Variants in ASIC2 observed in about 807,000 individuals in gnomAD.
ASIC2 encodes acid sensing ion channel subunit 2, also known as acid-sensing ion channel 2.
ASIC2 carries 25 observed loss-of-function variants against 57.3 expected under a neutral mutation model. The observed-to-expected ratio is 0.44, with a 90% CI of 0.32 to 0.61. The LOEUF is 0.61. Among genes scored for constraint, ASIC2 ranks in the 20% least tolerant of loss-of-function variants. The pLI is 0.06. For synonymous variants in ASIC2, 319 were observed against 307.5 expected, an observed-to-expected ratio of 1.04 and a Z score of -0.39; for missense variants, 641 against 738.1, an observed-to-expected ratio of 0.87 and a Z score of 1.52.
intron 1 of ASIC2, among the ~76,000 whole-genome samples, chr17:33,267,750 G>A (rs745752915): frequency 3.9e-5 from 6 of 152,156 alleles, no homozygotes; most frequent in African/African-American, 7.2e-5. Flanking sequence ...ATGGTGCTCC[G>A]GGGAGGGACA....
At chr17:33,321,495 C>T (rs746602602) in intron 1 of ASIC2, among the ~76,000 whole-genome samples, 14 of 152,086 alleles carry the variant, frequency 9.2e-5, no homozygotes, top group Non-Finnish European at 2.1e-4. Context: ...TGCTTCTGTG[C>T]CACAGTTTAA....
At chr17:33,902,075 A>T (rs919941128) in intron 1 of ASIC2, among the ~76,000 whole-genome samples, 1 of 152,080 alleles carries the variant, frequency 6.6e-6, no homozygotes, top group Non-Finnish European at 1.5e-5. Context: ...CTCTCTATCA[A>T]TGCGCTTGTA....
At chr17:34,090,244 C>A (rs979759646) in intron 1 of ASIC2, among the ~76,000 whole-genome samples, 10 of 152,192 alleles carry the variant, frequency 6.6e-5, no homozygotes, top group African/African-American at 2.4e-4. Flanking sequence ...GAAAATAAAT[C>A]CCAGGGACAG....
chr17:33,256,702 C>T (rs1044785886), intron 1 of ASIC2, among the ~76,000 whole-genome samples: 3 of 152,100 alleles, frequency 2.0e-5, no homozygotes, highest in East Asian at 1.9e-4. Context: ...CGTGGTGGCA[C>T]GTGCCTGTAA....
At chr17:33,973,901 C>T (rs1905292911) in intron 1 of ASIC2, among the ~76,000 whole-genome samples, 1 of 152,146 alleles carries the variant, frequency 6.6e-6, no homozygotes, top group African/African-American at 2.4e-5. Context: ...GTCCCACTCC[C>T]CTTACCCCAG....
Position 33,163,891 on chromosome 17 carries a change from G to A in ASIC2, c.709-51824C>T, listed in dbSNP as rs991986767. Among the ~76,000 whole-genome samples the A allele has an allele frequency of 8.5e-5, 13 of 152,304 alleles. No individual in the cohort carries two copies. The South Asian group carries it at 1.0e-3, about 12-fold the overall frequency. The stretch of plus-strand genomic sequence containing the variant: ...CCGGCATTTGAGTAAAGATCTAAAG[G>A]GGGTGAAGGAGCATCTGTTCAAACA... On this transcript the variant is annotated intron_variant, in intron 1 of 9. Transcript: ENST00000225823.
At chr17:33,353,982 G>C (rs1212747532) in intron 1 of ASIC2, among the ~76,000 whole-genome samples, 1 of 152,138 alleles carries the variant, frequency 6.6e-6, no homozygotes, top group African/African-American at 2.4e-5. Flanking sequence ...CCACATGGCT[G>C]GGGAGGCCTC....
intron 1 of ASIC2, among the ~76,000 whole-genome samples, chr17:33,455,176 A>G (rs1912405606): frequency 6.6e-6 from 1 of 152,002 alleles, no homozygotes; most frequent in Non-Finnish European, 1.5e-5. Flanking sequence ...TGTGTAATTT[A>G]TTATTATTTT....
At chr17:33,027,213 C>G (rs1006425314) in intron 4 of ASIC2, among the ~76,000 whole-genome samples, 25 of 152,132 alleles carry the variant, frequency 1.6e-4, no homozygotes, top group African/African-American at 5.8e-4. Flanking sequence ...ATCTCCCTGA[C>G]CCTTCTTTCA....
chr17:33,986,005 G>C (rs1023182473), intron 1 of ASIC2, among the ~76,000 whole-genome samples: 3 of 152,110 alleles, frequency 2.0e-5, no homozygotes, highest in African/African-American at 7.2e-5. Flanking sequence ...AGATGAGACT[G>C]CTCTAACCAC....
At chr17:33,589,602 A>G (rs1396398515) in intron 1 of ASIC2, among the ~76,000 whole-genome samples, 15 of 152,196 alleles carry the variant, frequency 9.9e-5, no homozygotes. Context: ...CACTTCACAT[A>G]AATGGAATCA....
At chr17:33,112,487 GACCCTGGGC>G (rs1414595829) in intron 1 of ASIC2, among the ~76,000 whole-genome samples, 1 of 152,138 alleles carries the variant, frequency 6.6e-6, no homozygotes, top group Non-Finnish European at 1.5e-5. Flanking sequence ...GCTTCAAGCA[GACCCTGGGC>G]ACTCAGCTTG....
intron 1 of ASIC2, among the ~76,000 whole-genome samples, chr17:33,863,276 G>A (rs1365647197): frequency 6.6e-6 from 1 of 152,230 alleles, no homozygotes; most frequent in Non-Finnish European, 1.5e-5. Context: ...CTCCTAAAAG[G>A]GATGGAATGA....
chr17:33,920,158 G>A (rs559213625), intron 1 of ASIC2, among the ~76,000 whole-genome samples: 3 of 152,078 alleles, frequency 2.0e-5, no homozygotes, highest in Admixed American at 6.6e-5. Context: ...TCGTTACTGG[G>A]TATATATCCA....
chr17:34,133,832 A>C (rs1912059481), intron 1 of ASIC2, among the ~76,000 whole-genome samples: 1 of 152,178 alleles, frequency 6.6e-6, no homozygotes, highest in African/African-American at 2.4e-5. Context: ...TTTGCCCCTC[A>C]GGAGATACTG....
intron 1 of ASIC2, among the ~76,000 whole-genome samples, chr17:33,392,633 C>G (rs762321294): frequency 1.3e-5 from 2 of 152,096 alleles, no homozygotes; most frequent in Non-Finnish European, 2.9e-5. Context: ...ACCACACTGC[C>G]AAGATTATTA....
intron 1 of ASIC2, among the ~76,000 whole-genome samples, chr17:33,123,351 A>G (rs1015702347): frequency 1.3e-5 from 2 of 152,198 alleles, no homozygotes; most frequent in Non-Finnish European, 2.9e-5. Context: ...AACATAGATA[A>G]ATCTAGATAA....
chr17:33,957,467 T>A (rs1465357161), intron 1 of ASIC2, among the ~76,000 whole-genome samples: 3 of 152,162 alleles, frequency 2.0e-5, no homozygotes, highest in African/African-American at 7.2e-5. Context: ...TCCACATGGC[T>A]GGGGAGGCCT....
At chr17:33,063,299 C>G (rs1386800489) in intron 3 of ASIC2, among the ~76,000 whole-genome samples, 1 of 152,206 alleles carries the variant, frequency 6.6e-6, no homozygotes, top group Non-Finnish European at 1.5e-5. Context: ...GTGGCTGGTA[C>G]CAGCTGTTCC....
Sources: allele counts gnomAD v4.1 joint callset (sites outside exome capture counted in the v4.1 genomes callset), GRCh38; gene constraint gnomAD v4.1.1; transcripts MANE v1.5; gene names NCBI Gene and HGNC (gene_info 2026-07-23, HGNC 2026-07-21).